The following GTPBP1 variants were observed in gnomAD, a reference collection of about 807,000 sequenced individuals.
The protein encoded by GTPBP1 is GTP-binding protein 1.
GTPBP1 carries 23 observed loss-of-function variants against 62.0 expected under a neutral mutation model. The ratio of observed to expected loss-of-function variants is 0.37; its 90% CI spans 0.27 to 0.53. The LOEUF (loss-of-function observed/expected upper bound fraction) is 0.53. GTPBP1 is among the 20% of genes least tolerant of loss of function. GTPBP1 has a pLI of 0.89. For synonymous variants in GTPBP1, 344 were observed against 364.4 expected, an observed-to-expected ratio of 0.94 and a Z score of 0.64; for missense variants, 640 against 917.3, an observed-to-expected ratio of 0.70 and a Z score of 3.90.
downstream of GTPBP1, chr22:38,742,693 G>A (rs1310557885): frequency 1.0e-5 from 12 of 1,182,750 alleles, no homozygotes; most frequent in African/African-American, 1.6e-5. Context: ...ATGCAGGGCC[G>A]GCTGGAGCTC....
At chr22:38,736,926 C>T (rs1397303193), downstream of GTPBP1, 1 of 152,446 alleles carries the variant, frequency 6.6e-6, no homozygotes, top group Non-Finnish European at 1.5e-5. Flanking sequence ...AGTTCACTGC[C>T]TCAACCTTCT....
intron 2 of GTPBP1, among the ~76,000 whole-genome samples, chr22:38,714,182 A>G (rs547692315): frequency 1.3e-5 from 2 of 152,322 alleles, no homozygotes; most frequent in South Asian, 4.1e-4. Context: ...AGAGTTTAGA[A>G]GGCCACTGGT....
downstream of GTPBP1, chr22:38,740,500 A>C: frequency 7.2e-7 from 1 of 1,397,338 alleles, no homozygotes; most frequent in Non-Finnish European, 9.4e-7. This position sits in a 1 kb window ranked among gnomAD's most constrained non-coding sequence, Gnocchi z 4.8. Context: ...ACCAAAGATG[A>C]AAGAGGACCC....
In GTPBP1 at chr22:38,716,216, G is replaced by A; in HGVS notation, c.485+129G>A. On this transcript the variant is annotated intron_variant, in intron 3 of 11. Coordinates refer to ENST00000216044, the MANE Select transcript of GTPBP1 (RefSeq NM_004286.5). This position sits in a 1 kb window ranked among gnomAD's most constrained non-coding sequence, Gnocchi z 5.2. ...CGGGGAAAGAGTGTCCAGGTGTCTG[G>A]AGACGTGGGCTCCTTGCTCTAATTC... The A allele has an allele frequency of 1.3e-6, 1 of 757,754 alleles. No homozygotes were observed. 46.9% of individuals were successfully genotyped at this position (757,754 alleles called of 1,614,324 possible).
chr22:38,742,217 C>T (rs1022397801), downstream of GTPBP1: 3 of 1,482,740 alleles, frequency 2.0e-6, no homozygotes, highest in Non-Finnish European at 2.7e-6. Context: ...TCCCAAATGA[C>T]ACTTGTTCTC....
At chr22:38,740,469 T>G, downstream of GTPBP1, 1 of 1,434,700 alleles carries the variant, frequency 7.0e-7, no homozygotes, top group Non-Finnish European at 9.2e-7. This position sits in a 1 kb window ranked among gnomAD's most constrained non-coding sequence, Gnocchi z 4.8. Flanking sequence ...CTCGGATCTC[T>G]TTGGTGGGAG....
chr22:38,708,733 A>G (rs2145837907), intron 1 of GTPBP1, 112 bp from the exon 2 acceptor site: 1 of 676,184 alleles, frequency 1.5e-6, no homozygotes, highest in Non-Finnish European at 2.7e-6. Flanking sequence ...GCCTTTTTAG[A>G]TGAGGGTGCT....
At chr22:38,736,250 G>A (rs1484473658), downstream of GTPBP1, 1 of 1,605,500 alleles carries the variant, frequency 6.2e-7, no homozygotes, top group Non-Finnish European at 8.5e-7. Context: ...GCTGGCAGCA[G>A]GCACCAGTAA....
chr22:38,712,229 C>G (rs1242378260), intron 2 of GTPBP1, among the ~76,000 whole-genome samples: 3 of 151,986 alleles, frequency 2.0e-5, no homozygotes, highest in East Asian at 3.9e-4. Flanking sequence ...GAGGAGCTGC[C>G]CTTTAATTGA....
In GTPBP1 at chr22:38,724,402, G is replaced by A. The variant is rs918137231; in HGVS notation, c.1064G>A (p.Ser355Asn). The A allele has an allele frequency of 2.5e-6, 4 of 1,599,378 alleles. No homozygotes were observed. The African/African-American group carries it at 5.4e-5, about 21-fold the overall frequency. ...DDVIVTASNFSSERMCPIFQI... is the reference protein window; with the variant it reads ...DDVIVTASNFNSERMCPIFQI... ...GTGATTGTCACAGCCTCCAACTTCA[G>A]CTCTGAAAGGTAACGCGTGGGGAGC... The change falls in exon 6 of 12, where the codon AGC becomes AAC. Residue 355 changes from serine (S) to asparagine (N), a missense_variant. Around this residue, in one of 4 missense-constraint regions of GTPBP1, gnomAD observed 220 missense variants for 358.1 expected, o/e 0.61. Transcript: ENST00000216044.
downstream of GTPBP1, chr22:38,738,256 C>T (rs749813392): frequency 5.6e-6 from 9 of 1,613,656 alleles, no homozygotes; most frequent in African/African-American, 2.7e-5. This position sits in a 1 kb window ranked among gnomAD's most constrained non-coding sequence, Gnocchi z 6.6. Context: ...TGCAGGTCTT[C>T]GTCAAACCCC....
At chr22:38,737,771 A>C (rs139238410), downstream of GTPBP1, 2 of 392,358 alleles carry the variant, frequency 5.1e-6, no homozygotes, top group East Asian at 1.4e-4. The surrounding 1 kb of genome is among the most constrained non-coding windows in gnomAD (Gnocchi z 4.1). Flanking sequence ...CTGACTTAGG[A>C]GATCGGATGC....
chr22:38,708,813 T>TTA (rs2092621479), intron 1 of GTPBP1, 32 bp from the exon 2 acceptor site: 1 of 1,178,780 alleles, frequency 8.5e-7, no homozygotes, highest in Admixed American at 1.7e-5. Flanking sequence ...TTCTAGCAAG[T>TTA]GTGGTCCTAA....
At position 38,715,063 on chromosome 22, in the gene GTPBP1, AT is replaced by A. The variant is rs1434498734; in HGVS notation, c.305-840del. On this transcript the variant is annotated intron_variant, in intron 2 of 11. Transcript: ENST00000216044. ...TAAAATGTTTCTGAGTTCCTCCCCC[AT>A]TTTCCTCCATCTTTCTGTCGTCATT... 2.0e-5 allele frequency among the ~76,000 whole-genome samples: 3 copies of A among 151,730 alleles called. No individual in the cohort carries two copies. In the East Asian group the frequency reaches 5.8e-4, roughly 29 times the overall value.
downstream of GTPBP1, chr22:38,738,556 C>T (rs2092827207): frequency 6.2e-7 from 1 of 1,601,984 alleles, no homozygotes; most frequent in Non-Finnish European, 8.5e-7. This position sits in a 1 kb window ranked among gnomAD's most constrained non-coding sequence, Gnocchi z 6.6. Flanking sequence ...CCCTGCAGCC[C>T]CTCTGGCCCC....
intron 2 of GTPBP1, among the ~76,000 whole-genome samples, chr22:38,714,113 G>C (rs1416779259): frequency 1.3e-5 from 2 of 152,214 alleles, no homozygotes; most frequent in South Asian, 2.1e-4. Context: ...TGCTTCAAGA[G>C]GGAAAGGCTG....
At chr22:38,723,085 A>G in intron 5 of GTPBP1, 1 of 770,100 alleles carries the variant, frequency 1.3e-6, no homozygotes, top group South Asian at 1.4e-5. Flanking sequence ...TTATCCAGGC[A>G]AGATGACTAA....
At chr22:38,741,519 A>G (rs1166688001), downstream of GTPBP1, 1 of 1,613,952 alleles carries the variant, frequency 6.2e-7, no homozygotes. Flanking sequence ...GATCTTCTTG[A>G]AGAGGTCTTC....
At chr22:38,725,749 T>G in intron 6 of GTPBP1, 1 of 478,856 alleles carries the variant, frequency 2.1e-6, no homozygotes, top group Non-Finnish European at 3.8e-6. Flanking sequence ...AGGGCAGTGG[T>G]GGAGGACAGA....
Sources: allele counts gnomAD v4.1 joint callset (sites outside exome capture counted in the v4.1 genomes callset), GRCh38; gene constraint gnomAD v4.1.1; regional missense constraint gnomAD v4.1.1; non-coding constraint Gnocchi (gnomAD v3.1); transcripts MANE v1.5; gene names NCBI Gene and HGNC (gene_info 2026-07-23, HGNC 2026-07-21).